FCHSD2: variants seen among roughly 807,000 people sequenced by gnomAD.
FCHSD2 encodes F-BAR and double SH3 domains protein 2.
Under a neutral mutation model 108.1 loss-of-function variants are expected in FCHSD2, and 38 were observed. The observed-to-expected ratio is 0.35, with a 90% CI of 0.27 to 0.46. The LOEUF is 0.46. Among genes scored for constraint, FCHSD2 ranks in the 20% least tolerant of loss-of-function variants. The pLI is 1.00. For synonymous variants in FCHSD2, 279 were observed against 314.7 expected (o/e 0.89, Z 1.20); for missense variants, 751 against 897.8 (o/e 0.84, Z 2.09).
intron 2 of FCHSD2, among the ~76,000 whole-genome samples, chr11:73,112,328 G>A (rs2135547418): frequency 6.6e-6 from 1 of 152,296 alleles, no homozygotes; most frequent in African/African-American, 2.4e-5. Context: ...TTCCTGGTCT[G>A]TAAGGTTTCC....
chr11:73,041,751 G>T (rs1858644836), intron 3 of FCHSD2, among the ~76,000 whole-genome samples: 1 of 151,872 alleles, frequency 6.6e-6, no homozygotes, highest in Admixed American at 6.6e-5. Context: ...ATTTAATATA[G>T]TCCTATTTTT....
Position 73,015,814 on chromosome 11 carries a change from A to T in FCHSD2, c.237T>A (p.Asp79Glu), listed in dbSNP as rs756530486. The change falls in exon 4 of 20, where the codon GAT becomes GAA. Residue 79 changes from aspartate to glutamate, a missense_variant. Coordinates refer to ENST00000409418, the MANE Select transcript of FCHSD2 (RefSeq NM_014824.3). ...GGCAAAAACTACTAATTTACCTGTA[A>T]TCATTCCGATCATCAGCTTTTACTC... ...WPGVKADDRN[D>E]YRSMYPVWKS... 1 of 1,600,396 alleles carries T rather than the reference A, an allele frequency of 6.2e-7. No individual in the cohort carries two copies. The highest frequency in any genetic ancestry group is 1.3e-5 in the African/African-American group (1 of 74,488).
At chr11:73,025,183 G>A (rs1858198284) in intron 3 of FCHSD2, among the ~76,000 whole-genome samples, 2 of 152,132 alleles carry the variant, frequency 1.3e-5, no homozygotes, top group Non-Finnish European at 2.9e-5. Context: ...AAAGATACAT[G>A]CACACATATG....
intron 4 of FCHSD2, among the ~76,000 whole-genome samples, chr11:73,005,508 T>C (rs1591476330): frequency 6.6e-6 from 1 of 152,252 alleles, no homozygotes; most frequent in South Asian, 2.1e-4. Flanking sequence ...AGCCATTCTT[T>C]AGTCTCCTTT....
chr11:73,012,656 C>T (rs1331162017), intron 4 of FCHSD2, among the ~76,000 whole-genome samples: 2 of 152,196 alleles, frequency 1.3e-5, no homozygotes, highest in Non-Finnish European at 2.9e-5. Context: ...AATAGCACCA[C>T]CATCCTCTCA....
Position 73,126,016 on chromosome 11 carries a change from C to T in FCHSD2, c.119+14015G>A, listed in dbSNP as rs145966742. ...AAATGAAATTTGACATTAGGCAAGA[C>T]TCTATCTAATATGTTTGCTTGTTTC... On this transcript the variant is annotated intron_variant, in intron 2 of 19. Coordinates refer to ENST00000409418, the MANE Select transcript of FCHSD2 (RefSeq NM_014824.3). Among the ~76,000 whole-genome samples, 547 of 152,052 alleles carry T rather than the reference C, an allele frequency of 3.6e-3. 2 individuals carry two copies. The highest frequency in any genetic ancestry group is 0.013 in the African/African-American group (519 of 41,488).
intron 3 of FCHSD2, among the ~76,000 whole-genome samples, chr11:73,021,273 C>T (rs1858097478): frequency 6.6e-6 from 1 of 151,552 alleles, no homozygotes. Flanking sequence ...TTCACTGCAG[C>T]CCCATTAGCA....
At chr11:73,137,806 G>A (rs940433379) in intron 2 of FCHSD2, among the ~76,000 whole-genome samples, 2 of 152,184 alleles carry the variant, frequency 1.3e-5, no homozygotes, top group African/African-American at 4.8e-5. Flanking sequence ...ACCAGAGCAG[G>A]GGGAAGAAAG....
Position 72,872,397 on chromosome 11 carries a change from ATATTT to A in FCHSD2, c.1147-4376_1147-4372del, listed in dbSNP as rs1948462970. On this transcript the variant is annotated intron_variant, in intron 12 of 19. Coordinates refer to ENST00000409418, the MANE Select transcript of FCHSD2 (RefSeq NM_014824.3). ...AACCATCACCACAGTCAAATTTAGAATATTTTATCACCTCCAAAAGAAACCATGTA... is the reference window on the plus strand; with the variant it reads ...AACCATCACCACAGTCAAATTTAGAATATCACCTCCAAAAGAAACCATGTA... Among the ~76,000 whole-genome samples, 3 of 151,648 alleles carry A rather than the reference ATATTT, an allele frequency of 2.0e-5. No individual in the cohort carries two copies. The South Asian group carries it at 6.3e-4, about 32-fold the overall frequency.
intron 3 of FCHSD2, among the ~76,000 whole-genome samples, chr11:73,023,552 C>G (rs532436870): frequency 1.3e-5 from 2 of 152,252 alleles, no homozygotes; most frequent in East Asian, 3.9e-4. Flanking sequence ...AGTGAGGACG[C>G]AGAGTTACAG....
At chr11:73,040,524 C>T (rs1858609370) in intron 3 of FCHSD2, among the ~76,000 whole-genome samples, 2 of 152,136 alleles carry the variant, frequency 1.3e-5, no homozygotes, top group Non-Finnish European at 2.9e-5. Flanking sequence ...ATATCAAGTC[C>T]ATTCTGTTGG....
At chr11:73,038,937 C>A (rs548910289) in intron 3 of FCHSD2, among the ~76,000 whole-genome samples, 2 of 152,124 alleles carry the variant, frequency 1.3e-5, no homozygotes, top group Non-Finnish European at 2.9e-5. Context: ...TTTTCCAGTA[C>A]ATTTTTTTGG....
At chr11:72,933,482 A>T (rs1856235748) in intron 8 of FCHSD2, among the ~76,000 whole-genome samples, 1 of 152,210 alleles carries the variant, frequency 6.6e-6, no homozygotes, top group African/African-American at 2.4e-5. Flanking sequence ...TGGTTACCTT[A>T]GCCAACAAAT....
chr11:72,904,734 G>A (rs959070244), intron 9 of FCHSD2, among the ~76,000 whole-genome samples: 1 of 152,058 alleles, frequency 6.6e-6, no homozygotes, highest in Non-Finnish European at 1.5e-5. Context: ...TACAAATACA[G>A]CCCCCACAGT....
intron 9 of FCHSD2, among the ~76,000 whole-genome samples, chr11:72,910,301 G>A (rs1049821783): frequency 3.9e-4 from 59 of 152,246 alleles, no homozygotes; most frequent in African/African-American, 1.1e-3. Flanking sequence ...CGGCCGCCCC[G>A]TCTGGGAGGT....
intron 3 of FCHSD2, among the ~76,000 whole-genome samples, chr11:73,056,055 C>T (rs867022103): frequency 5.9e-5 from 9 of 152,206 alleles, no homozygotes; most frequent in African/African-American, 2.2e-4. Context: ...ACAAGCCCCA[C>T]CCCATAAAAA....
chr11:72,936,081 T>C (rs1192205866), intron 8 of FCHSD2, among the ~76,000 whole-genome samples: 1 of 152,214 alleles, frequency 6.6e-6, no homozygotes, highest in Non-Finnish European at 1.5e-5. Context: ...GTTCTACCAC[T>C]TACTAGCAAC....
At chr11:73,104,661 C>T (rs1277878645) in intron 2 of FCHSD2, among the ~76,000 whole-genome samples, 1 of 152,118 alleles carries the variant, frequency 6.6e-6, no homozygotes, top group East Asian at 1.9e-4. Context: ...CTTCACCTCC[C>T]GGGTTCAAGC....
chr11:72,873,750 T>C (rs1007000838), intron 12 of FCHSD2, among the ~76,000 whole-genome samples: 1 of 152,206 alleles, frequency 6.6e-6, no homozygotes, highest in African/African-American at 2.4e-5. Flanking sequence ...GTATATATGA[T>C]GTAAAGTGGG....
Sources: allele counts gnomAD v4.1 joint callset (sites outside exome capture counted in the v4.1 genomes callset), GRCh38; gene constraint gnomAD v4.1.1; transcripts MANE v1.5; gene names NCBI Gene and HGNC (gene_info 2026-07-23, HGNC 2026-07-21).